AOPEP: variants seen among roughly 807,000 people sequenced by gnomAD.
The protein encoded by AOPEP is aminopeptidase O (putative), also known as aminopeptidase O.
A neutral mutation model predicts 98.1 loss-of-function variants in AOPEP; 77 were observed. The ratio of observed to expected loss-of-function variants is 0.78; its 90% CI spans 0.65 to 0.95. The LOEUF (loss-of-function observed/expected upper bound fraction) is 0.95. AOPEP is among the 40% of genes least tolerant of loss of function. The pLI, the probability that AOPEP is intolerant of heterozygous loss-of-function variation, is 0.00. For missense variants in AOPEP, 1,024 were observed against 1,024.7 expected (o/e 1.00, Z 0.01); for synonymous variants, 346 against 365.3 (o/e 0.95, Z 0.60).
chr9:94,859,536 T>TC (rs2044670251), intron 5 of AOPEP, among the ~76,000 whole-genome samples: 1 of 152,220 alleles, frequency 6.6e-6, no homozygotes, highest in African/African-American at 2.4e-5. Flanking sequence ...TTTCTTTTTT[T>TC]CCCATAGAAG....
chr9:95,035,190 A>G (rs190512634), intron 13 of AOPEP, among the ~76,000 whole-genome samples: 129 of 151,908 alleles, frequency 8.5e-4, no homozygotes, highest in African/African-American at 2.4e-3. Flanking sequence ...TCATTGTTCA[A>G]TTCCCACCTG....
At chr9:94,981,309 A>T (rs945201730) in intron 11 of AOPEP, among the ~76,000 whole-genome samples, 5 of 152,192 alleles carry the variant, frequency 3.3e-5, no homozygotes, top group African/African-American at 1.2e-4. Flanking sequence ...GTCTAGTTGC[A>T]TTAGTGACAG....
At chr9:94,776,608 C>A (rs1218613918) in intron 3 of AOPEP, among the ~76,000 whole-genome samples, 1 of 152,200 alleles carries the variant, frequency 6.6e-6, no homozygotes, top group Non-Finnish European at 1.5e-5. Flanking sequence ...GACCTTTCCT[C>A]ATTATGTTAT....
intron 5 of AOPEP, among the ~76,000 whole-genome samples, chr9:94,835,622 T>C (rs2041501759): frequency 6.6e-6 from 1 of 152,246 alleles, no homozygotes; most frequent in Non-Finnish European, 1.5e-5. Flanking sequence ...TTGAGACTCC[T>C]GTTTATGTTG....
the AOPEP span, chr9:95,107,420 G>A: frequency 2.5e-6 from 2 of 786,912 alleles, no homozygotes; most frequent in East Asian, 2.7e-5. Flanking sequence ...ATTTACACTC[G>A]ATTTCACACA....
intron 13 of AOPEP, among the ~76,000 whole-genome samples, chr9:95,053,797 G>A (rs973266512): frequency 2.0e-5 from 3 of 152,070 alleles, no homozygotes; most frequent in Non-Finnish European, 2.9e-5. Context: ...ATAGCTCACC[G>A]CAGCCTCCAA....
chr9:94,953,243 C>G (rs1292103594), intron 7 of AOPEP, among the ~76,000 whole-genome samples: 2 of 152,182 alleles, frequency 1.3e-5, no homozygotes, highest in Non-Finnish European at 2.9e-5. Flanking sequence ...AAAGCTGATT[C>G]TTTTCAGGGG....
At chr9:94,878,336 G>T (rs1233715111) in intron 5 of AOPEP, among the ~76,000 whole-genome samples, 1 of 150,004 alleles carries the variant, frequency 6.7e-6, no homozygotes, top group Non-Finnish European at 1.5e-5. Context: ...AGTCTGAAGG[G>T]GCCCTTTTGT....
intron 1 of AOPEP, among the ~76,000 whole-genome samples, chr9:94,749,236 T>C (rs1835160131): frequency 6.6e-6 from 1 of 152,264 alleles, no homozygotes; most frequent in Admixed American, 6.5e-5. Flanking sequence ...TTACTCAAAG[T>C]GTTCCAGCTT....
the AOPEP span, among the ~76,000 whole-genome samples, chr9:95,118,680 T>C: frequency 7.0e-3 from 1,065 of 152,378 alleles, 6 homozygotes; most frequent in Non-Finnish European, 0.012. Context: ...TTTTCTTTTG[T>C]GTCTGGCTTC....
intron 10 of AOPEP, among the ~76,000 whole-genome samples, chr9:94,978,944 T>G (rs1252663311): frequency 6.6e-6 from 1 of 152,120 alleles, no homozygotes; most frequent in Non-Finnish European, 1.5e-5. Context: ...CTTGTTGTAG[T>G]CCATCTTTCC....
At chr9:94,856,011 C>G (rs566858204) in intron 5 of AOPEP, among the ~76,000 whole-genome samples, 4 of 152,288 alleles carry the variant, frequency 2.6e-5, no homozygotes, top group East Asian at 3.9e-4. Flanking sequence ...CCTGGGGTTG[C>G]TCACACCCTA....
chr9:94,922,648 CTGAG>C (rs968788595), intron 5 of AOPEP, among the ~76,000 whole-genome samples: 7 of 151,404 alleles, frequency 4.6e-5, no homozygotes, highest in African/African-American at 1.7e-4. Context: ...TTTTTTTCCC[CTGAG>C]TTAGTGCTCT....
chr9:94,742,867 A>G (rs947831244), intron 1 of AOPEP, among the ~76,000 whole-genome samples: 3 of 152,080 alleles, frequency 2.0e-5, no homozygotes, highest in African/African-American at 7.2e-5. Flanking sequence ...TTATGAAAGT[A>G]TAAGGGGAAA....
At chr9:95,074,686 C>G (rs1481486560) in intron 14 of AOPEP, among the ~76,000 whole-genome samples, 1 of 152,224 alleles carries the variant, frequency 6.6e-6, no homozygotes, top group African/African-American at 2.4e-5. Flanking sequence ...AAGTCAACTT[C>G]ACTGTGATGA....
At chr9:94,938,202 A>G (rs1322160166) in intron 7 of AOPEP, among the ~76,000 whole-genome samples, 1 of 152,208 alleles carries the variant, frequency 6.6e-6, no homozygotes. Flanking sequence ...CCAACCAAAT[A>G]CATATCTCGC....
the AOPEP span, among the ~76,000 whole-genome samples, chr9:95,147,593 C>T: frequency 6.6e-6 from 1 of 152,292 alleles, no homozygotes; most frequent in Admixed American, 6.5e-5. Context: ...ACATCTGCTA[C>T]AGAGAAAGTG....
chr9:94,895,054 T>TTGTG (rs61413921), intron 5 of AOPEP, among the ~76,000 whole-genome samples: 11 of 151,458 alleles, frequency 7.3e-5, no homozygotes, highest in African/African-American at 2.2e-4. Flanking sequence ...CTCTGTGTGT[T>TTGTG]TGTGTGTGTG....
Position 95,080,762 on chromosome 9 carries a change from G to A in AOPEP, c.2301G>A (p.Arg767=), listed in dbSNP as rs939421378. Residue 767 remains arginine (R), a synonymous_variant, in exon 15 of 17, where the codon AGG becomes AGA. Transcript: ENST00000375315. The part of the protein sequence containing the change: ...KFTKAYKSVE[R]FLQEDQAMGV... ...CGAAAGCCTACAAAAGTGTGGAGAG[G>A]TTCCTTCAGGAGGATCAGGTAGGTG... 5 of 1,613,814 alleles carry A rather than the reference G, an allele frequency of 3.1e-6. No homozygotes were observed. The East Asian group carries it at 8.9e-5, about 29-fold the overall frequency.
Sources: allele counts gnomAD v4.1 joint callset (sites outside exome capture counted in the v4.1 genomes callset), GRCh38; gene constraint gnomAD v4.1.1; transcripts MANE v1.5; gene names NCBI Gene and HGNC (gene_info 2026-07-23, HGNC 2026-07-21).